CDYL2: variants seen among roughly 807,000 people sequenced by gnomAD.
CDYL2 encodes the protein chromodomain Y like 2.
CDYL2 carries 23 observed loss-of-function variants against 49.4 expected under a neutral mutation model. The ratio of observed to expected loss-of-function variants is 0.47; its 90% confidence interval spans 0.34 to 0.66. The LOEUF is 0.66. CDYL2 is among the 30% of genes least tolerant of loss of function. The pLI, the probability that CDYL2 is intolerant of heterozygous loss-of-function variation, is 0.01. For synonymous variants in CDYL2, 360 were observed against 268.8 expected (o/e 1.34, Z -3.32); for missense variants, 678 against 656.4 (o/e 1.03, Z -0.36).
rs1281391060 is a variant in CDYL2 at position 80,741,685 on chromosome 16, CAAAT to C, written c.25-56560_25-56557del. ...ACAGATATTTAAATTCACCAGTAAA[CAAAT>C]AAAAGATATTTAAATTCACCAGTAA... On this transcript the variant is annotated intron_variant, in intron 1 of 6. Coordinates refer to ENST00000570137, the MANE Select transcript of CDYL2 (RefSeq NM_152342.4). Among the ~76,000 whole-genome samples the C allele has an allele frequency of 9.9e-5, 15 of 151,892 alleles. 1 individual carries two copies. The highest frequency in any genetic ancestry group is 3.4e-4 in the African/African-American group (14 of 41,402).
At chr16:80,787,507 C>T (rs962182345) in intron 1 of CDYL2, among the ~76,000 whole-genome samples, 2 of 152,286 alleles carry the variant, frequency 1.3e-5, no homozygotes, top group South Asian at 4.1e-4. Context: ...ACATTCTGAC[C>T]TCTCTTGGTT....
chr16:80,704,277 T>C (rs1286973440), intron 1 of CDYL2, among the ~76,000 whole-genome samples: 1 of 152,204 alleles, frequency 6.6e-6, no homozygotes, highest in Non-Finnish European at 1.5e-5. Context: ...CAAATTGATA[T>C]TCTTCTTCTT....
chr16:80,685,242 G>T (rs1910143807), intron 1 of CDYL2, 113 bp from the exon 2 acceptor site: 1 of 793,280 alleles, frequency 1.3e-6, no homozygotes, highest in Non-Finnish European at 2.0e-6. Flanking sequence ...ACCCTAGCCA[G>T]GGGGTGAGCC....
At chr16:80,730,853 G>C (rs1905303131) in intron 1 of CDYL2, among the ~76,000 whole-genome samples, 1 of 152,192 alleles carries the variant, frequency 6.6e-6, no homozygotes. Flanking sequence ...CCAGACAAAA[G>C]GGAGCACACA....
intron 1 of CDYL2, among the ~76,000 whole-genome samples, chr16:80,728,408 A>G (rs1905231468): frequency 6.6e-6 from 1 of 152,174 alleles, no homozygotes; most frequent in Non-Finnish European, 1.5e-5. Flanking sequence ...AAAAGAATAA[A>G]AAGAAACGAA....
chr16:80,733,243 G>C (rs1318316700), intron 1 of CDYL2, among the ~76,000 whole-genome samples: 1 of 152,218 alleles, frequency 6.6e-6, no homozygotes, highest in East Asian at 1.9e-4. Flanking sequence ...TATTACTGCA[G>C]AATCTCCACT....
At chr16:80,792,797 G>A (rs1169673887) in intron 1 of CDYL2, among the ~76,000 whole-genome samples, 1 of 152,152 alleles carries the variant, frequency 6.6e-6, no homozygotes, top group Non-Finnish European at 1.5e-5. Flanking sequence ...AAAGCTCACA[G>A]ATGTGTCCCT....
At chr16:80,787,324 C>A (rs1392102739) in intron 1 of CDYL2, among the ~76,000 whole-genome samples, 1 of 152,130 alleles carries the variant, frequency 6.6e-6, no homozygotes, top group Non-Finnish European at 1.5e-5. Flanking sequence ...CACAAGAAGA[C>A]TTTGGTTCAA....
chr16:80,667,909 G>A (rs1389185887), intron 2 of CDYL2, among the ~76,000 whole-genome samples: 2 of 152,218 alleles, frequency 1.3e-5, no homozygotes, highest in African/African-American at 4.8e-5. Context: ...CAGGCAACAT[G>A]GCTGAATGCC....
At chr16:80,786,733 T>C (rs1597133470) in intron 1 of CDYL2, among the ~76,000 whole-genome samples, 4 of 152,126 alleles carry the variant, frequency 2.6e-5, no homozygotes, top group Admixed American at 2.6e-4. Flanking sequence ...TGGAATACTA[T>C]GCAGCCATAA....
At chr16:80,707,638 T>C (rs1418978537) in intron 1 of CDYL2, among the ~76,000 whole-genome samples, 1 of 152,170 alleles carries the variant, frequency 6.6e-6, no homozygotes, top group Non-Finnish European at 1.5e-5. Flanking sequence ...AAACTCCAGA[T>C]GCTTTGGTGG....
chr16:80,635,074 C>A (rs1389863607), intron 2 of CDYL2, among the ~76,000 whole-genome samples: 1 of 152,148 alleles, frequency 6.6e-6, no homozygotes, highest in Non-Finnish European at 1.5e-5. Flanking sequence ...GAAAAATAAT[C>A]TTCAGCAAAA....
chr16:80,610,960 C>T (rs1274624788), intron 5 of CDYL2, among the ~76,000 whole-genome samples: 3 of 152,194 alleles, frequency 2.0e-5, no homozygotes, highest in Admixed American at 1.3e-4. Flanking sequence ...GGCCACTCCA[C>T]GCCACTGCCA....
At chr16:80,772,794 T>G (rs1244088892) in intron 1 of CDYL2, among the ~76,000 whole-genome samples, 1 of 152,020 alleles carries the variant, frequency 6.6e-6, no homozygotes, top group East Asian at 1.9e-4. Context: ...GTATACATAT[T>G]GTAATTTCTA....
intron 3 of CDYL2, among the ~76,000 whole-genome samples, chr16:80,629,118 C>A (rs1432352745): frequency 6.6e-6 from 1 of 152,268 alleles, no homozygotes; most frequent in Middle Eastern, 3.4e-3. Flanking sequence ...GCTGAGGGTT[C>A]TGACTGTCAG....
intron 2 of CDYL2, among the ~76,000 whole-genome samples, chr16:80,680,659 T>C (rs753303889): frequency 1.2e-4 from 19 of 152,190 alleles, no homozygotes; most frequent in African/African-American, 2.7e-4. Flanking sequence ...AGAGAAACTA[T>C]GACAGGTTTT....
chr16:80,639,632 A>AT, intron 2 of CDYL2: 2 of 452,726 alleles, frequency 4.4e-6, no homozygotes, highest in Non-Finnish European at 4.4e-6. Context: ...ACAAAAAAAA[A>AT]TACCTTCATA....
chr16:80,723,111 C>G (rs536116225), intron 1 of CDYL2, among the ~76,000 whole-genome samples: 1 of 152,326 alleles, frequency 6.6e-6, no homozygotes, highest in South Asian at 2.1e-4. Flanking sequence ...CAGGCACCTC[C>G]CTGGGCTACC....
intron 1 of CDYL2, among the ~76,000 whole-genome samples, chr16:80,702,213 C>T (rs1904305280): frequency 6.6e-6 from 1 of 151,816 alleles, no homozygotes; most frequent in Admixed American, 6.6e-5. Context: ...CACACACACA[C>T]ACACAAAACT....
Sources: allele counts gnomAD v4.1 joint callset (sites outside exome capture counted in the v4.1 genomes callset), GRCh38; gene constraint gnomAD v4.1.1; transcripts MANE v1.5; gene names NCBI Gene and HGNC (gene_info 2026-07-23, HGNC 2026-07-21).